Variants in NCOA1 observed in about 807,000 individuals in gnomAD.
NCOA1 encodes the protein Hin-2 protein.
NCOA1 carries 35 observed loss-of-function variants against 150.9 expected under a neutral mutation model. The observed-to-expected ratio is 0.23, with a 90% CI of 0.18 to 0.31. The LOEUF is 0.31. Among genes scored for constraint, NCOA1 ranks in the 10% least tolerant of loss-of-function variants. The probability of loss-of-function intolerance (pLI) is 1.00; values close to 1 mark genes in which losing one functional copy is unlikely to be tolerated. For missense variants in NCOA1, 1,491 were observed against 1,749.3 expected, an observed-to-expected ratio of 0.85 and a Z score of 2.63; for synonymous variants, 590 against 630.0, an observed-to-expected ratio of 0.94 and a Z score of 0.95.
At chr2:24,723,289 C>T (rs961442995) in intron 14 of NCOA1, among the ~76,000 whole-genome samples, 4 of 152,098 alleles carry the variant, frequency 2.6e-5, no homozygotes, top group Admixed American at 6.6e-5. Flanking sequence ...GCATAAAGAG[C>T]ATCTTTATTC....
intron 11 of NCOA1, among the ~76,000 whole-genome samples, chr2:24,702,760 G>C (rs56080015): frequency 1.8e-4 from 27 of 152,262 alleles, no homozygotes; most frequent in Non-Finnish European, 3.1e-4. Context: ...TAGGTATAAA[G>C]ATGACAAAAT....
intron 1 of NCOA1, among the ~76,000 whole-genome samples, chr2:24,522,510 G>A (rs978500161): frequency 2.0e-5 from 3 of 152,160 alleles, no homozygotes; most frequent in Admixed American, 1.3e-4. Context: ...AAGGGTACAT[G>A]TTAGAAGGCA....
intron 17 of NCOA1, among the ~76,000 whole-genome samples, chr2:24,733,974 C>G (rs972704920): frequency 3.3e-5 from 5 of 152,076 alleles, no homozygotes; most frequent in Non-Finnish European, 7.4e-5. Flanking sequence ...CACCTGAGGT[C>G]AAGAGTTCGA....
chr2:24,642,751 G>GA (rs992828676), intron 3 of NCOA1, among the ~76,000 whole-genome samples: 1 of 152,026 alleles, frequency 6.6e-6, no homozygotes, highest in Admixed American at 6.6e-5. Context: ...GACAAATGGT[G>GA]AAAAAAACTG....
Position 24,765,905 on chromosome 2 carries a change from T to TC in NCOA1, c.4156-2316_4156-2315insC, listed in dbSNP as rs1219148168. Among the ~76,000 whole-genome samples the TC allele has an allele frequency of 1.1e-4, 16 of 150,662 alleles. No individual in the cohort carries two copies. The East Asian group carries it at 2.7e-3, about 26-fold the overall frequency. ...TAATTTCAATAATACACTTTTTTTTTTTTTTTTTTTGAGACGGAGTCTTGC... is the reference window on the plus strand; with the variant it reads ...TAATTTCAATAATACACTTTTTTTTTCTTTTTTTTTTGAGACGGAGTCTTGC... On this transcript the variant is annotated intron_variant, in intron 22 of 22. Transcript: ENST00000348332.
intron 1 of NCOA1, among the ~76,000 whole-genome samples, chr2:24,546,490 G>T (rs1034273972): frequency 6.6e-6 from 1 of 152,068 alleles, no homozygotes; most frequent in African/African-American, 2.4e-5. Flanking sequence ...ATAGTCCTAG[G>T]TTCATTGTTC....
At chr2:24,514,084 C>T (rs1192602604) in intron 1 of NCOA1, among the ~76,000 whole-genome samples, 1 of 151,364 alleles carries the variant, frequency 6.6e-6, no homozygotes, top group Non-Finnish European at 1.5e-5. Flanking sequence ...GTCAGGAGAT[C>T]GAGACCATCC....
chr2:24,634,717 C>T (rs1047545059), intron 3 of NCOA1, among the ~76,000 whole-genome samples: 4 of 114,924 alleles, frequency 3.5e-5, no homozygotes, highest in South Asian at 4.2e-4. Context: ...AACCCCCCCC[C>T]CCCCCGCCCC....
rs148634337 is a variant in NCOA1 at position 24,544,405 on chromosome 2, A to G, written c.-395-19890A>G. 2.0e-3 allele frequency among the ~76,000 whole-genome samples: 302 copies of G among 152,260 alleles called. 1 individual carries two copies. Among genetic ancestry groups the G allele is most frequent in the African/African-American group, 7.1e-3 (293 of 41,556 alleles). ...ACTCAAGTAAAATGTGCGGAGATGGAAGAGGTGATCCAGGTCAAGGATCTT... is the reference window on the plus strand; with the variant it reads ...ACTCAAGTAAAATGTGCGGAGATGGGAGAGGTGATCCAGGTCAAGGATCTT... On this transcript the variant is annotated intron_variant, in intron 1 of 22. Transcript: ENST00000348332.
At chr2:24,547,578 T>A (rs753180323) in intron 1 of NCOA1, among the ~76,000 whole-genome samples, 29 of 152,216 alleles carry the variant, frequency 1.9e-4, no homozygotes, top group Non-Finnish European at 3.1e-4. Flanking sequence ...TTTGACTCAG[T>A]AATTCTGCTT....
chr2:24,632,217 A>G (rs1009490398), intron 3 of NCOA1, among the ~76,000 whole-genome samples: 3 of 152,248 alleles, frequency 2.0e-5, no homozygotes, highest in African/African-American at 7.2e-5. Flanking sequence ...GAATAGTAGT[A>G]GCAATCTCAC....
At chr2:24,671,863 C>T (rs182180965) in intron 6 of NCOA1, among the ~76,000 whole-genome samples, 1 of 152,126 alleles carries the variant, frequency 6.6e-6, no homozygotes, top group East Asian at 1.9e-4. Flanking sequence ...CTTGCCTGGC[C>T]CATGTACTTT....
At chr2:24,555,711 C>G (rs1310238111) in intron 1 of NCOA1, among the ~76,000 whole-genome samples, 1 of 152,124 alleles carries the variant, frequency 6.6e-6, no homozygotes, top group Non-Finnish European at 1.5e-5. Context: ...TAGTGTTCCA[C>G]TTTATTACTG....
rs778964158 is a variant in NCOA1 at position 24,707,631 on chromosome 2, G to A, written c.2161G>A (p.Val721Met). Reference protein sequence around the residue: ...KKDSASTSVSVTGQVQGNSSI... With the variant: ...KKDSASTSVSMTGQVQGNSSI... ...GGACAGTGCATCTACTTCTGTGTCA[G>A]TGACTGGACAGGTACAAGGAAACTC... Residue 721 changes from valine to methionine, a missense_variant, in exon 13 of 23, where the codon GTG (valine) becomes ATG (methionine). By Grantham distance (21) the Val-to-Met change is conservative. Coordinates refer to ENST00000348332, the MANE Select transcript of NCOA1 (RefSeq NM_003743.5). The A allele has an allele frequency of 6.2e-7, 1 of 1,614,234 alleles. No individual in the cohort carries two copies. Among genetic ancestry groups the A allele is most frequent in the East Asian group, 2.2e-5 (1 of 44,892 alleles).
At chr2:24,668,171 A>G (rs1671515699) in intron 6 of NCOA1, among the ~76,000 whole-genome samples, 1 of 152,192 alleles carries the variant, frequency 6.6e-6, no homozygotes, top group Non-Finnish European at 1.5e-5. Context: ...AAAAATAAGA[A>G]ACTTATAGGA....
At chr2:24,662,372 T>G (rs56259846) in intron 5 of NCOA1, among the ~76,000 whole-genome samples, 3 of 152,330 alleles carry the variant, frequency 2.0e-5, no homozygotes, top group African/African-American at 7.2e-5. Context: ...GTTGAATATT[T>G]CCAATTCAAC....
Position 24,769,963 on chromosome 2 carries a change from C to T in NCOA1, c.*1572C>T, listed in dbSNP as rs1490927664. On this transcript the variant is annotated 3_prime_UTR_variant, in exon 23 of 23. Transcript: ENST00000348332. Reference sequence around the variant, plus strand: ...AAGAACAGTGGAAGAGGAGCATGGACTCAGACTTCAAGGAAGAAGCCATTT... The same window carrying T: ...AAGAACAGTGGAAGAGGAGCATGGATTCAGACTTCAAGGAAGAAGCCATTT... The T allele has an allele frequency of 4.4e-6, 1 of 227,034 alleles. No homozygotes were observed. Among genetic ancestry groups the T allele is most frequent in the Non-Finnish European group, 8.8e-6 (1 of 113,922 alleles). The allele number at this position is 227,034 out of a possible 1,614,324, so 14.1% of individuals were successfully genotyped here. A position where few individuals can be genotyped will look rare whatever the true frequency, so the allele number is the denominator to read the frequency against.
intron 3 of NCOA1, among the ~76,000 whole-genome samples, chr2:24,587,987 CA>C (rs1667487932): frequency 6.6e-6 from 1 of 152,184 alleles, no homozygotes; most frequent in Admixed American, 6.5e-5. Flanking sequence ...TTCCCCTTTA[CA>C]AAATACTGTC....
At chr2:24,575,356 C>G (rs1247623022) in intron 2 of NCOA1, among the ~76,000 whole-genome samples, 1 of 152,052 alleles carries the variant, frequency 6.6e-6, no homozygotes, top group South Asian at 2.1e-4. Context: ...TCAACACTTC[C>G]ATATCTTTTT....
Sources: gnomAD v4.1 joint callset for allele counts (sites outside exome capture counted in the v4.1 genomes callset) on GRCh38, gnomAD v4.1.1 for gene constraint, MANE v1.5 for transcripts, NCBI Gene and HGNC (gene_info 2026-07-23, HGNC 2026-07-21) for gene names.